CABP5: variants seen among roughly 807,000 people sequenced by gnomAD.
CABP5 encodes the protein calcium-binding protein 5.
CABP5 carries 17 observed loss-of-function variants against 21.9 expected under a neutral mutation model. That is an observed-to-expected ratio of 0.78 (90% confidence interval 0.53 to 1.17). The LOEUF (loss-of-function observed/expected upper bound fraction) is 1.17. CABP5 is among the 50% of genes most tolerant of loss of function. The pLI is 0.00. For synonymous variants in CABP5, 85 were observed against 79.4 expected, an observed-to-expected ratio of 1.07 and a Z score of -0.37; for missense variants, 229 against 228.9, an observed-to-expected ratio of 1.00 and a Z score of 0.00.
chr19:48,034,974 A>G (rs574146567), intron 4 of CABP5, among the ~76,000 whole-genome samples: 1 of 152,304 alleles, frequency 6.6e-6, no homozygotes, highest in South Asian at 2.1e-4. Context: ...CAAAGTGCCC[A>G]GCGATACATT....
Position 48,043,965 on chromosome 19 carries a change from GC to G in CABP5, c.-44del. ...CTCGCAGGGCACCAGTCTCAAGATG[GC>G]CCCTCCTCCCTGCTCCCTGTCGGAG... On this transcript the variant is annotated 5_prime_UTR_variant, in exon 1 of 6. Coordinates refer to ENST00000293255, the MANE Select transcript of CABP5 (RefSeq NM_019855.5). The G allele has an allele frequency of 6.7e-7, 1 of 1,482,118 alleles. No individual in the cohort carries two copies. Among genetic ancestry groups the G allele is most frequent in the Admixed American group, 2.6e-5 (1 of 37,784 alleles). 91.8% of individuals were successfully genotyped at this position (1,482,118 alleles called of 1,614,324 possible). A position where few individuals can be genotyped will look rare whatever the true frequency, so the allele number is the denominator to read the frequency against.
intron 1 of CABP5, among the ~76,000 whole-genome samples, chr19:48,042,780 G>A (rs933172567): frequency 6.6e-6 from 1 of 151,854 alleles, no homozygotes; most frequent in Non-Finnish European, 1.5e-5. Flanking sequence ...TCACCATCTT[G>A]GCCAGGCTGG....
In CABP5 at chr19:48,029,828, G is replaced by GAGAGAGAGAGACAGAGAGAGAC. The variant is rs1224439008; in HGVS notation, c.*728_*729insGTCTCTCTCTGTCTCTCTCTCT. On this transcript the variant is annotated 3_prime_UTR_variant, in exon 6 of 6. Coordinates refer to ENST00000293255, the MANE Select transcript of CABP5 (RefSeq NM_019855.5). ...AGAGAGAGAGAGAGAGAGAGAGAGA[G>GAGAGAGAGAGACAGAGAGAGAC]AGAGAGAGAAACCAGACAGTGCTTC... 38 of 150,522 alleles carry GAGAGAGAGAGACAGAGAGAGAC rather than the reference G, an allele frequency of 2.5e-4. No individual in the cohort carries two copies. The highest frequency in any genetic ancestry group is 8.4e-4 in the African/African-American group (34 of 40,396). 9.3% of individuals were successfully genotyped at this position (150,522 alleles called of 1,614,324 possible).
Position 48,040,742 on chromosome 19 carries a change from C to A in CABP5, c.101G>T (p.Arg34Leu), listed in dbSNP as rs769174719. The change falls in exon 3 of 6, where the codon CGG becomes CTG. Residue 34 changes from arginine to leucine, a missense_variant. Transcript: ENST00000293255. ...PLGQDEIEEL[R>L]EAFLEFDKDR... ...CTTATCGAACTCAAGAAATGCTTCC[C>A]GCAGCTCTGAAAGTTAAGAGAGAAC... 1 of 1,613,904 alleles carries A rather than the reference C, an allele frequency of 6.2e-7. No individual in the cohort carries two copies. The highest frequency in any genetic ancestry group is 1.7e-5 in the Admixed American group (1 of 59,988).
At chr19:48,042,073 G>A (rs965571171) in intron 1 of CABP5, among the ~76,000 whole-genome samples, 3 of 152,248 alleles carry the variant, frequency 2.0e-5, no homozygotes, top group South Asian at 2.1e-4. Flanking sequence ...GGAACAGAGA[G>A]GTTAAGGAAC....
At chr19:48,031,522 G>A (rs560908689) in intron 5 of CABP5, among the ~76,000 whole-genome samples, 10 of 152,220 alleles carry the variant, frequency 6.6e-5, no homozygotes, top group Middle Eastern at 3.4e-3. Context: ...CCTGGGTGAC[G>A]GAGTGAGACT....
intron 5 of CABP5, among the ~76,000 whole-genome samples, chr19:48,033,524 G>C (rs35040936): frequency 2.0e-5 from 3 of 151,884 alleles, no homozygotes; most frequent in African/African-American, 7.3e-5. Context: ...GAAGCAAGCG[G>C]GAGGTATTAC....
At chr19:48,040,496 T>G in intron 3 of CABP5, 109 bp downstream of exon 3, 1 of 1,172,868 alleles carries the variant, frequency 8.5e-7, no homozygotes, top group Non-Finnish European at 1.2e-6. Context: ...TTCTAGTCCC[T>G]CTCATCCTCC....
At chr19:48,032,674 G>A (rs71355785) in intron 5 of CABP5, among the ~76,000 whole-genome samples, 44,031 of 146,716 alleles carry the variant, frequency 0.3, 7,572 homozygotes, top group Non-Finnish European at 0.38. Context: ...ACTGTTGCCC[G>A]GGCTGGAGTG....
At chr19:48,033,092 C>CCAG (rs1967361946) in intron 5 of CABP5, among the ~76,000 whole-genome samples, 1 of 151,766 alleles carries the variant, frequency 6.6e-6, no homozygotes, top group African/African-American at 2.4e-5. Context: ...ACCTCCGCCC[C>CCAG]CAGCGTTCTA....
chr19:48,043,821 G>A, intron 1 of CABP5, 39 bp downstream of exon 1: 2 of 1,457,912 alleles, frequency 1.4e-6, no homozygotes, highest in South Asian at 1.4e-5. Flanking sequence ...TGCTCCCTTT[G>A]CCCCGCCCAC....
At chr19:48,041,483 A>C in intron 2 of CABP5, 90 bp downstream of exon 2, 1 of 1,239,448 alleles carries the variant, frequency 8.1e-7, no homozygotes, top group Non-Finnish European at 1.2e-6. Flanking sequence ...ATTCCATGTA[A>C]TGGAATTTAT....
chr19:48,041,687 C>T, intron 1 of CABP5, 84 bp from the exon 2 acceptor site: 2 of 1,276,640 alleles, frequency 1.6e-6, no homozygotes, highest in South Asian at 1.3e-5. Context: ...CAAGCTCCTC[C>T]CCACGCTCTC....
At chr19:48,033,497 G>A (rs1332503767) in intron 5 of CABP5, among the ~76,000 whole-genome samples, 1 of 152,256 alleles carries the variant, frequency 6.6e-6, no homozygotes, top group Admixed American at 6.5e-5. Context: ...GAGATGCCAC[G>A]AATCCGTATT....
intron 4 of CABP5, among the ~76,000 whole-genome samples, 170 bp from the exon 5 acceptor site, chr19:48,034,532 CT>C (rs199525409): frequency 0.019 from 2,331 of 125,738 alleles, 45 homozygotes; most frequent in African/African-American, 0.058. Context: ...TTTTTTTTTT[CT>C]TTTTTTCTTT....
intron 4 of CABP5, among the ~76,000 whole-genome samples, chr19:48,038,614 G>A (rs1967440464): frequency 6.6e-6 from 1 of 152,142 alleles, no homozygotes; most frequent in Non-Finnish European, 1.5e-5. Context: ...ATCACTTGAG[G>A]TCAGGAGTTC....
intron 5 of CABP5, among the ~76,000 whole-genome samples, chr19:48,032,842 C>G (rs116959625): frequency 0.3 from 45,846 of 151,036 alleles, 7,804 homozygotes; most frequent in Non-Finnish European, 0.38. Flanking sequence ...CGTTGGCCCC[C>G]CTGGTCTCGA....
chr19:48,037,284 T>G (rs940504737), intron 4 of CABP5, among the ~76,000 whole-genome samples: 12 of 127,164 alleles, frequency 9.4e-5, no homozygotes, highest in South Asian at 2.4e-4. Context: ...TTTTTTTTTT[T>G]TGAGGTGGAG....
In CABP5 at chr19:48,031,754, C is replaced by T. The variant is rs548209594; in HGVS notation, c.497-1172G>A. Reference sequence around the variant, plus strand: ...GCTCAAGACGATCTTGCTGCCCACCCGGGTCTTGAGGTCATCCTGACCTTC... The same window carrying T: ...GCTCAAGACGATCTTGCTGCCCACCTGGGTCTTGAGGTCATCCTGACCTTC... On this transcript the variant is annotated intron_variant, in intron 5 of 5. Transcript: ENST00000293255. Among the ~76,000 whole-genome samples the T allele has an allele frequency of 2.6e-4, 40 of 152,128 alleles. No individual in the cohort carries two copies. In the South Asian group the frequency reaches 3.1e-3, roughly 12 times the overall value.
Sources: gnomAD v4.1 joint callset for allele counts (sites outside exome capture counted in the v4.1 genomes callset) on GRCh38, gnomAD v4.1.1 for gene constraint, MANE v1.5 for transcripts, NCBI Gene and HGNC (gene_info 2026-07-23, HGNC 2026-07-21) for gene names.